FRS2: variants seen among roughly 807,000 people sequenced by gnomAD.
FRS2 encodes fibroblast growth factor receptor substrate 2, also known as FGFR signalling adaptor.
FRS2 carries 8 observed loss-of-function variants against 43.9 expected under a neutral mutation model. That is an observed-to-expected ratio of 0.18 (90% confidence interval 0.11 to 0.33). FRS2 has a LOEUF of 0.33. FRS2 is among the 10% of genes least tolerant of loss of function. FRS2 has a pLI of 1.00. For synonymous variants in FRS2, 219 were observed against 220.3 expected, an observed-to-expected ratio of 0.99 and a Z score of 0.05; for missense variants, 534 against 627.6, an observed-to-expected ratio of 0.85 and a Z score of 1.59.
At chr12:69,539,996 G>A (rs1158379679) in intron 3 of FRS2, among the ~76,000 whole-genome samples, 1 of 148,444 alleles carries the variant, frequency 6.7e-6, no homozygotes, top group Non-Finnish European at 1.5e-5. Flanking sequence ...GCTCACGCCT[G>A]TAATCCCAGC....
intron 1 of FRS2, among the ~76,000 whole-genome samples, chr12:69,494,249 A>G (rs545410306): frequency 1.3e-5 from 2 of 152,356 alleles, no homozygotes; most frequent in African/African-American, 4.8e-5. Context: ...TTATAGTACC[A>G]TAATAATTTA....
At position 69,501,219 on chromosome 12, in the gene FRS2, CCCCCCT is replaced by C. The variant is rs1873414308; in HGVS notation, c.-260-29639_-260-29634del. On this transcript the variant is annotated intron_variant, in intron 1 of 8. Coordinates refer to ENST00000549921, the MANE Select transcript of FRS2 (RefSeq NM_001278356.2). Reference sequence around the variant, plus strand: ...TTGCTACATATGATGATTACAACCTCCCCCCTCCCCCTTTAAAAGAATGAGACAAGA... The same window carrying C: ...TTGCTACATATGATGATTACAACCTCCCCCCTTTAAAAGAATGAGACAAGA... 2.0e-5 allele frequency among the ~76,000 whole-genome samples: 3 copies of C among 151,798 alleles called. No individual in the cohort carries two copies. In the East Asian group the frequency reaches 5.8e-4, roughly 29 times the overall value.
rs184478678 is a variant in FRS2, at chr12:69,573,639, T to G, written c.577-366T>G. Among the ~76,000 whole-genome samples the G allele has an allele frequency of 4.6e-3, 694 of 152,182 alleles. 4 individuals are homozygous for G. Among genetic ancestry groups the G allele is most frequent in the South Asian group, 0.042 (203 of 4,810 alleles). On this transcript the variant is annotated intron_variant, in intron 8 of 8. Coordinates refer to ENST00000549921, the MANE Select transcript of FRS2 (RefSeq NM_001278356.2). ...CACCATGCCCAGCTAATTTTTGTAT[T>G]TTTAGTAGGGACGGGGTTTCACCAT...
intron 1 of FRS2, among the ~76,000 whole-genome samples, chr12:69,496,493 C>T (rs979206380): frequency 2.0e-5 from 3 of 151,944 alleles, no homozygotes; most frequent in South Asian, 4.1e-4. Flanking sequence ...TAGAAAGGAG[C>T]CTGTGAACGA....
chr12:69,558,172 A>G (rs1468415834), intron 3 of FRS2, among the ~76,000 whole-genome samples: 2 of 152,208 alleles, frequency 1.3e-5, no homozygotes, highest in Non-Finnish European at 2.9e-5. Context: ...CGTTCAGGTC[A>G]TTGTACAGTG....
At chr12:69,525,471 C>T (rs1876121522) in intron 1 of FRS2, among the ~76,000 whole-genome samples, 1 of 152,074 alleles carries the variant, frequency 6.6e-6, no homozygotes, top group Non-Finnish European at 1.5e-5. Flanking sequence ...AGGTGATAAC[C>T]CCCAACATTG....
intron 3 of FRS2, among the ~76,000 whole-genome samples, chr12:69,559,095 G>T (rs952358324): frequency 1.3e-5 from 2 of 152,136 alleles, no homozygotes; most frequent in African/African-American, 4.8e-5. Flanking sequence ...AGGATTGCTT[G>T]AGCCCAGAAG....
chr12:69,566,796 T>C (rs1490950161), intron 4 of FRS2, among the ~76,000 whole-genome samples: 1 of 152,150 alleles, frequency 6.6e-6, no homozygotes, highest in African/African-American at 2.4e-5. Flanking sequence ...GTGGGAACAC[T>C]AGAGGCAGGC....
At chr12:69,547,719 G>C (rs515945) in intron 3 of FRS2, among the ~76,000 whole-genome samples, 119,321 of 151,748 alleles carry the variant, frequency 0.79, 47,509 homozygotes, top group East Asian at 0.92. Context: ...GTTGTAACAT[G>C]TTACTAATTC....
At chr12:69,565,179 A>G (rs1880186605) in intron 4 of FRS2, among the ~76,000 whole-genome samples, 1 of 152,364 alleles carries the variant, frequency 6.6e-6, no homozygotes, top group South Asian at 2.1e-4. Context: ...GTTGTAACAC[A>G]ATGGTAAGTA....
At chr12:69,545,621 G>A (rs1410520259) in intron 3 of FRS2, among the ~76,000 whole-genome samples, 1 of 151,982 alleles carries the variant, frequency 6.6e-6, no homozygotes, top group African/African-American at 2.4e-5. Flanking sequence ...GCTGGGTGTG[G>A]TGGCAGACGC....
chr12:69,471,906 G>A (rs1328145213), intron 1 of FRS2, among the ~76,000 whole-genome samples: 1 of 152,126 alleles, frequency 6.6e-6, no homozygotes, highest in Non-Finnish European at 1.5e-5. Flanking sequence ...AAGGGGAGGT[G>A]GTATCATGAA....
intron 4 of FRS2, 41 bp from the exon 5 acceptor site, chr12:69,568,964 T>C: frequency 1.1e-6 from 1 of 936,106 alleles, no homozygotes; most frequent in Non-Finnish European, 1.7e-6. Context: ...AGTTTTTGTA[T>C]CCTTCATCTA....
intron 1 of FRS2, among the ~76,000 whole-genome samples, chr12:69,479,359 T>C (rs951499120): frequency 1.2e-4 from 18 of 151,902 alleles, no homozygotes; most frequent in Non-Finnish European, 2.9e-5. Context: ...CACAGTGTGA[T>C]TGACAGTCCT....
intron 3 of FRS2, among the ~76,000 whole-genome samples, chr12:69,544,421 A>G (rs188983895): frequency 6.1e-4 from 93 of 152,258 alleles, no homozygotes; most frequent in Admixed American, 2.4e-3. Context: ...TAGAAGTAAA[A>G]GGAGCCAGGT....
chr12:69,487,020 C>T (rs978139818), intron 1 of FRS2, among the ~76,000 whole-genome samples: 4 of 152,314 alleles, frequency 2.6e-5, no homozygotes, highest in South Asian at 2.1e-4. Context: ...CCTAGAAGAA[C>T]TTCTTTATCA....
chr12:69,557,348 A>G (rs1326382957), intron 3 of FRS2, among the ~76,000 whole-genome samples: 6 of 152,188 alleles, frequency 3.9e-5, no homozygotes, highest in African/African-American at 1.2e-4. Context: ...GATCAAATCT[A>G]TTCATTCAGA....
chr12:69,551,916 T>G (rs1878905235), intron 3 of FRS2, among the ~76,000 whole-genome samples: 1 of 152,198 alleles, frequency 6.6e-6, no homozygotes, highest in Admixed American at 6.5e-5. Context: ...CCAATTTTAT[T>G]CACTAAAATT....
chr12:69,568,910 A>G, intron 4 of FRS2, 95 bp from the exon 5 acceptor site: 1 of 560,880 alleles, frequency 1.8e-6, no homozygotes, highest in Non-Finnish European at 3.1e-6. Flanking sequence ...CTGCATCAGA[A>G]TAATGTTTGT....
Sources: gnomAD v4.1 joint callset for allele counts (sites outside exome capture counted in the v4.1 genomes callset) on GRCh38, gnomAD v4.1.1 for gene constraint, MANE v1.5 for transcripts, NCBI Gene and HGNC (gene_info 2026-07-23, HGNC 2026-07-21) for gene names.